Variants in NALF1 observed in about 807,000 individuals in gnomAD.
The protein encoded by NALF1 is family with sequence similarity 155 member A.
A neutral mutation model predicts 48.4 loss-of-function variants in NALF1; 3 were observed. That is an observed-to-expected ratio of 0.06 (90% CI 0.03 to 0.16). The LOEUF (loss-of-function observed/expected upper bound fraction) is 0.16, where lower values mean the gene tolerates loss of function less well. Among genes scored for constraint, NALF1 ranks in the 10% least tolerant of loss-of-function variants. The probability of loss-of-function intolerance (pLI) is 1.00; values close to 1 mark genes in which losing one functional copy is unlikely to be tolerated. For missense variants in NALF1, 526 were observed against 571.5 expected, an observed-to-expected ratio of 0.92 and a Z score of 0.81; for synonymous variants, 262 against 245.7, an observed-to-expected ratio of 1.07 and a Z score of -0.62.
chr13:107,843,305 G>C (rs907197230), intron 1 of NALF1, among the ~76,000 whole-genome samples: 12 of 152,294 alleles, frequency 7.9e-5, no homozygotes, highest in Middle Eastern at 3.4e-3. Context: ...TAAGGAAATA[G>C]CGTGAAGTCA....
intron 1 of NALF1, among the ~76,000 whole-genome samples, chr13:107,290,166 C>T (rs1293391041): frequency 7.3e-6 from 1 of 136,100 alleles, no homozygotes; most frequent in Non-Finnish European, 1.5e-5. Flanking sequence ...TAATCCCCCA[C>T]AAACCAGCAA....
At chr13:107,533,993 G>A (rs1876723223) in intron 1 of NALF1, among the ~76,000 whole-genome samples, 1 of 152,048 alleles carries the variant, frequency 6.6e-6, no homozygotes, top group Non-Finnish European at 1.5e-5. Context: ...CCTGCAAAGA[G>A]GAAAATTACC....
intron 1 of NALF1, among the ~76,000 whole-genome samples, chr13:107,637,020 C>T (rs1297661989): frequency 2.6e-5 from 4 of 151,642 alleles, no homozygotes; most frequent in African/African-American, 9.7e-5. Context: ...AATATTATCA[C>T]TGTGTTGCAA....
intron 1 of NALF1, among the ~76,000 whole-genome samples, chr13:107,574,963 G>T (rs1397999847): frequency 6.6e-6 from 1 of 152,082 alleles, no homozygotes; most frequent in Non-Finnish European, 1.5e-5. Context: ...GAAATATCTT[G>T]CGCATTATGA....
chr13:107,796,917 A>G (rs548730749), intron 1 of NALF1, among the ~76,000 whole-genome samples: 26 of 152,262 alleles, frequency 1.7e-4, no homozygotes, highest in Middle Eastern at 3.4e-3. Flanking sequence ...ACCATATTTT[A>G]CACGTGCCCA....
chr13:107,236,620 T>C (rs1304161483), intron 1 of NALF1, among the ~76,000 whole-genome samples: 1 of 152,174 alleles, frequency 6.6e-6, no homozygotes, highest in Non-Finnish European at 1.5e-5. Context: ...GTGAATCTCA[T>C]CTCCCTGTTT....
At chr13:107,844,632 A>C (rs1278794772) in intron 1 of NALF1, among the ~76,000 whole-genome samples, 1 of 152,200 alleles carries the variant, frequency 6.6e-6, no homozygotes. Context: ...AATTGTATGA[A>C]TCATCCTTTG....
At chr13:107,463,354 TG>T (rs1884950286) in intron 1 of NALF1, among the ~76,000 whole-genome samples, 1 of 152,232 alleles carries the variant, frequency 6.6e-6, no homozygotes, top group Admixed American at 6.5e-5. Flanking sequence ...CACAATTCTA[TG>T]GGCCCAGAGG....
intron 1 of NALF1, among the ~76,000 whole-genome samples, chr13:107,584,431 C>T (rs1878397257): frequency 6.6e-6 from 1 of 152,028 alleles, no homozygotes; most frequent in Non-Finnish European, 1.5e-5. Flanking sequence ...TTGAAAAACC[C>T]TTATTTTTCT....
intron 1 of NALF1, among the ~76,000 whole-genome samples, chr13:107,726,931 G>C (rs1404202020): frequency 1.5e-4 from 22 of 150,474 alleles, no homozygotes; most frequent in South Asian, 2.1e-4. Flanking sequence ...GTGTGTGTGT[G>C]TGTGTGTGTG....
intron 1 of NALF1, among the ~76,000 whole-genome samples, chr13:107,642,303 G>T (rs570054591): frequency 6.6e-6 from 1 of 152,202 alleles, no homozygotes; most frequent in East Asian, 1.9e-4. Context: ...CTAAAATATT[G>T]GCTATGCCCA....
intron 2 of NALF1, among the ~76,000 whole-genome samples, chr13:107,188,837 T>G (rs970957403): frequency 1.3e-5 from 2 of 152,166 alleles, no homozygotes; most frequent in African/African-American, 4.8e-5. Flanking sequence ...TAGAGGATGC[T>G]GCAATGAATT....
rs1241415291 is a variant in NALF1 at position 107,307,400 on chromosome 13, G to GA, written c.916-96646dup. ...CAGGATAGCATCCCTGAATTAGGCA[G>GA]AAAAAACTAACTTAATGGGAGGATC... On this transcript the variant is annotated intron_variant, in intron 1 of 2. Coordinates refer to ENST00000375915, the MANE Select transcript of NALF1 (RefSeq NM_001080396.3). Among the ~76,000 whole-genome samples the GA allele has an allele frequency of 5.3e-5, 8 of 152,174 alleles. No individual in the cohort carries two copies. In the South Asian group the frequency reaches 1.5e-3, roughly 28 times the overall value.
At chr13:107,865,110 T>C (rs1166033803) in intron 1 of NALF1, among the ~76,000 whole-genome samples, 4 of 152,110 alleles carry the variant, frequency 2.6e-5, no homozygotes, top group Admixed American at 2.6e-4. Context: ...AAAAAGTAAA[T>C]ATCCTCAGGT....
intron 2 of NALF1, among the ~76,000 whole-genome samples, chr13:107,200,504 A>C (rs574878554): frequency 1.3e-5 from 2 of 152,348 alleles, no homozygotes; most frequent in East Asian, 3.9e-4. Context: ...CCACACGATG[A>C]ATGCACAGAC....
intron 1 of NALF1, among the ~76,000 whole-genome samples, chr13:107,344,722 T>TA (rs1176631358): frequency 2.0e-5 from 3 of 152,136 alleles, no homozygotes; most frequent in Non-Finnish European, 4.4e-5. Context: ...CAGGTATCAT[T>TA]ATATTCAATG....
intron 1 of NALF1, among the ~76,000 whole-genome samples, chr13:107,419,166 A>C (rs1297908312): frequency 6.6e-6 from 1 of 152,216 alleles, no homozygotes; most frequent in African/African-American, 2.4e-5. Flanking sequence ...AGGAATCTAC[A>C]GTTCTTTCTA....
chr13:107,525,251 A>G (rs1486465044), intron 1 of NALF1, among the ~76,000 whole-genome samples: 3 of 152,098 alleles, frequency 2.0e-5, no homozygotes, highest in Admixed American at 6.6e-5. Flanking sequence ...AAACTCCCTC[A>G]TACAATCCAC....
chr13:107,263,428 A>G (rs1819242), intron 1 of NALF1, among the ~76,000 whole-genome samples: 39,397 of 151,984 alleles, frequency 0.26, 5,901 homozygotes, highest in East Asian at 0.52. Flanking sequence ...CAATTTATTT[A>G]TTAATGGTTG....
Sources: allele counts gnomAD v4.1 joint callset (sites outside exome capture counted in the v4.1 genomes callset), GRCh38; gene constraint gnomAD v4.1.1; transcripts MANE v1.5; gene names NCBI Gene and HGNC (gene_info 2026-07-23, HGNC 2026-07-21).